Variants in TMCO5A observed in about 807,000 individuals in gnomAD.
TMCO5A encodes transmembrane and coiled-coil domain-containing protein 5A.
TMCO5A carries 34 observed loss-of-function variants against 42.3 expected under a neutral mutation model. The ratio of observed to expected loss-of-function variants is 0.80; its 90% CI spans 0.61 to 1.07. The LOEUF (loss-of-function observed/expected upper bound fraction) is 1.07. Among genes scored for constraint, TMCO5A ranks in the 50% least tolerant of loss-of-function variants. The pLI is 0.00. For missense variants in TMCO5A, 357 were observed against 327.9 expected, an observed-to-expected ratio of 1.09 and a Z score of -0.69; for synonymous variants, 131 against 115.6, an observed-to-expected ratio of 1.13 and a Z score of -0.86.
chr15:37,953,420 T>C (rs8041000), downstream of TMCO5A, among the ~76,000 whole-genome samples: 40,454 of 151,988 alleles, frequency 0.27, 5,750 homozygotes, highest in African/African-American at 0.34. Context: ...ATACGAACCT[T>C]TGCCTGATAA....
the TMCO5A span, among the ~76,000 whole-genome samples, chr15:38,029,616 T>A: frequency 6.6e-6 from 1 of 152,114 alleles, no homozygotes; most frequent in Non-Finnish European, 1.5e-5. Flanking sequence ...TGCACTACCA[T>A]CCTTGGCTAA....
chr15:38,010,441 A>T, the TMCO5A span, among the ~76,000 whole-genome samples: 1 of 149,714 alleles, frequency 6.7e-6, no homozygotes, highest in South Asian at 2.2e-4. Context: ...ACACACACAC[A>T]CACACACACA....
At chr15:38,001,863 T>G in the TMCO5A span, among the ~76,000 whole-genome samples, 1 of 152,124 alleles carries the variant, frequency 6.6e-6, no homozygotes, top group African/African-American at 2.4e-5. Flanking sequence ...TATATCTTAT[T>G]ATATTGTCTG....
At chr15:37,975,812 T>C in the TMCO5A span, among the ~76,000 whole-genome samples, 1 of 151,262 alleles carries the variant, frequency 6.6e-6, no homozygotes, top group Non-Finnish European at 1.5e-5. Flanking sequence ...GGCTGCTTTA[T>C]AGTGTTAACA....
the TMCO5A span, among the ~76,000 whole-genome samples, chr15:38,004,468 C>T: frequency 1.1e-4 from 16 of 152,080 alleles, no homozygotes; most frequent in African/African-American, 3.4e-4. Context: ...AATTGCAGTG[C>T]TTGTGGCTTA....
the TMCO5A span, among the ~76,000 whole-genome samples, chr15:38,001,455 C>A: frequency 7.0e-6 from 1 of 142,112 alleles, no homozygotes; most frequent in Non-Finnish European, 1.5e-5. Flanking sequence ...TTTTTTTTAA[C>A]GAATTAGCCA....
chr15:37,964,829 C>T (rs1448340740), intron 11 of TMCO5A, among the ~76,000 whole-genome samples: 1 of 152,012 alleles, frequency 6.6e-6, no homozygotes, highest in Non-Finnish European at 1.5e-5. Flanking sequence ...TTAAAATATC[C>T]ATACTACCCA....
intron 9 of TMCO5A, 98 bp from the exon 10 acceptor site, chr15:37,943,243 C>T: frequency 8.8e-7 from 1 of 1,131,376 alleles, no homozygotes; most frequent in African/African-American, 1.6e-5. Context: ...TTGGACAGTA[C>T]AGATTTAGAA....
chr15:37,971,569 T>C (rs557141060), downstream of TMCO5A, among the ~76,000 whole-genome samples: 1 of 152,346 alleles, frequency 6.6e-6, no homozygotes, highest in East Asian at 1.9e-4. Flanking sequence ...GGATTTTCTT[T>C]TCTATCACAA....
At chr15:38,006,363 G>A in the TMCO5A span, among the ~76,000 whole-genome samples, 1 of 152,182 alleles carries the variant, frequency 6.6e-6, no homozygotes, top group Non-Finnish European at 1.5e-5. Flanking sequence ...TTGAAATGTT[G>A]TATGGGAGTT....
chr15:37,990,182 C>T, the TMCO5A span, among the ~76,000 whole-genome samples: 10 of 152,000 alleles, frequency 6.6e-5, no homozygotes, highest in Non-Finnish European at 1.5e-4. Context: ...TTTTCTTATT[C>T]ATCTTCTGTC....
chr15:38,016,707 T>C, the TMCO5A span, among the ~76,000 whole-genome samples: 1 of 152,188 alleles, frequency 6.6e-6, no homozygotes, highest in Non-Finnish European at 1.5e-5. Flanking sequence ...ATGGAAATTA[T>C]GGAATGCTCC....
rs369636758 is a variant in TMCO5A, at chr15:37,936,331, T to A, written c.8T>A (p.Ile3Asn). 1.1e-5 allele frequency: 18 copies of A among 1,611,036 alleles called. No individual in the cohort carries two copies. The African/African-American group carries it at 2.3e-4, about 20-fold the overall frequency. ...GTCTATAGGTCGGAGAAAATGGAAA[T>A]CTCAAGATTGGCTCAGTCAAAAAGA... ME[I>N]SRLAQSKRNI... The change falls in exon 3 of 12, where the codon ATC (isoleucine) becomes AAC (asparagine). Residue 3 changes from isoleucine (I) to asparagine (N), a missense_variant. By Grantham distance (149) the Ile-to-Asn change is moderately radical (BLOSUM62 -3). Coordinates refer to ENST00000319669, the MANE Select transcript of TMCO5A (RefSeq NM_152453.4).
chr15:38,018,661 G>A, the TMCO5A span, among the ~76,000 whole-genome samples: 1 of 151,888 alleles, frequency 6.6e-6, no homozygotes, highest in African/African-American at 2.4e-5. Flanking sequence ...GAAAAAAATA[G>A]AGAAAATGAA....
intron 10 of TMCO5A, 43 bp from the exon 11 acceptor site, chr15:37,947,613 C>T: frequency 1.5e-6 from 2 of 1,292,664 alleles, no homozygotes; most frequent in South Asian, 2.5e-5. Flanking sequence ...ATGATAATAG[C>T]CTCCAGAAAT....
chr15:38,004,654 C>G, the TMCO5A span: 1 of 152,382 alleles, frequency 6.6e-6, no homozygotes, highest in African/African-American at 2.4e-5. Context: ...TTGCTTTCCA[C>G]TGTGATAGGA....
chr15:38,019,775 T>G, the TMCO5A span, among the ~76,000 whole-genome samples: 1 of 142,062 alleles, frequency 7.0e-6, no homozygotes, highest in Non-Finnish European at 1.5e-5. Context: ...TCTGGCTAAT[T>G]TTTTTTTTTT....
At chr15:38,015,993 T>C in the TMCO5A span, among the ~76,000 whole-genome samples, 1 of 152,144 alleles carries the variant, frequency 6.6e-6, no homozygotes, top group African/African-American at 2.4e-5. Context: ...TGTGTGTCAT[T>C]TTATATATCC....
chr15:37,963,351 T>C (rs1890479660), intron 11 of TMCO5A, among the ~76,000 whole-genome samples: 1 of 152,178 alleles, frequency 6.6e-6, no homozygotes, highest in African/African-American at 2.4e-5. Flanking sequence ...TCCGTGTATT[T>C]GCATGGTTTT....
Sources: allele counts gnomAD v4.1 joint callset (sites outside exome capture counted in the v4.1 genomes callset), GRCh38; gene constraint gnomAD v4.1.1; transcripts MANE v1.5; gene names NCBI Gene and HGNC (gene_info 2026-07-23, HGNC 2026-07-21).